Variants in PRKN observed in about 807,000 individuals in gnomAD.
PRKN encodes the protein E3 ubiquitin-protein ligase parkin.
PRKN carries 56 observed loss-of-function variants against 59.5 expected under a neutral mutation model. The ratio of observed to expected loss-of-function variants is 0.94; its 90% CI spans 0.76 to 1.18. The LOEUF is 1.18. Among genes scored for constraint, PRKN ranks in the 50% most tolerant of loss-of-function variants. The pLI is 0.00. For synonymous variants in PRKN, 250 were observed against 222.1 expected, an observed-to-expected ratio of 1.13 and a Z score of -1.12; for missense variants, 657 against 596.4, an observed-to-expected ratio of 1.10 and a Z score of -1.06.
chr6:161,678,495 T>C (rs1459340382), intron 7 of PRKN, among the ~76,000 whole-genome samples: 1 of 151,690 alleles, frequency 6.6e-6, no homozygotes, highest in Non-Finnish European at 1.5e-5. Flanking sequence ...TGGTTATAAA[T>C]ACAGGTCATA....
At chr6:162,079,230 G>C (rs1019668479) in intron 4 of PRKN, among the ~76,000 whole-genome samples, 2 of 152,148 alleles carry the variant, frequency 1.3e-5, no homozygotes, top group African/African-American at 4.8e-5. Context: ...GAGATCTCAA[G>C]GAAATGAAGC....
chr6:161,484,200 T>A lies in PRKN; in HGVS notation c.1083+64654A>T, dbSNP rs1273066903. On this transcript the variant is annotated intron_variant, in intron 9 of 11. Coordinates refer to ENST00000366898, the MANE Select transcript of PRKN (RefSeq NM_004562.3). The surrounding 1 kb of genome is among the most constrained non-coding windows in gnomAD (Gnocchi z 4.9). ...TAAAATGAAAAGTTGAAGAAAATTT[T>A]AAAAAAAGACCCTGCCTGGCAGGGT... 2.0e-5 allele frequency among the ~76,000 whole-genome samples: 3 copies of A among 151,986 alleles called. No individual in the cohort carries two copies. Among genetic ancestry groups the A allele is most frequent in the Admixed American group, 6.6e-5 (1 of 15,252 alleles).
chr6:161,381,850 T>C (rs548720165), intron 10 of PRKN, among the ~76,000 whole-genome samples: 2 of 152,200 alleles, frequency 1.3e-5, no homozygotes, highest in African/African-American at 4.8e-5. Context: ...CAGTGGCTCA[T>C]GCCTGTAATC....
At chr6:162,715,236 G>C (rs1255100729) in intron 1 of PRKN, among the ~76,000 whole-genome samples, 1 of 152,150 alleles carries the variant, frequency 6.6e-6, no homozygotes, top group Non-Finnish European at 1.5e-5. Context: ...TTCCTCAAGG[G>C]ACATGGAAGA....
chr6:162,205,932 T>G (rs1480760010), intron 3 of PRKN, among the ~76,000 whole-genome samples: 1 of 152,140 alleles, frequency 6.6e-6, no homozygotes, highest in Non-Finnish European at 1.5e-5. Flanking sequence ...AAACCACTGG[T>G]GTGGCTGGTC....
chr6:161,766,814 T>C (rs1262602166), intron 7 of PRKN, among the ~76,000 whole-genome samples: 1 of 152,140 alleles, frequency 6.6e-6, no homozygotes, highest in East Asian at 1.9e-4. Flanking sequence ...GATCATAACA[T>C]CTTTGAGGTG....
At chr6:161,433,180 A>G (rs1234323261) in intron 9 of PRKN, among the ~76,000 whole-genome samples, 1 of 152,198 alleles carries the variant, frequency 6.6e-6, no homozygotes, top group Non-Finnish European at 1.5e-5. Context: ...CAATGTACCT[A>G]TTTATATGAA....
Position 161,458,937 on chromosome 6 carries a change from C to A in PRKN, c.1084-72060G>T, listed in dbSNP as rs112103234. On this transcript the variant is annotated intron_variant, in intron 9 of 11. Transcript: ENST00000366898. The surrounding 1 kb of genome is among the most constrained non-coding windows in gnomAD (Gnocchi z 6.1). ...TGTTTTTTTTTTTCTTTTTAAAGTG[C>A]ATATCTTTATTTGGACAGCCTCAAA... 0.013 allele frequency among the ~76,000 whole-genome samples: 1,918 copies of A among 151,620 alleles called. 46 individuals carry two copies. Among genetic ancestry groups the A allele is most frequent in the African/African-American group, 0.043 (1,786 of 41,310 alleles).
At chr6:161,997,945 G>A (rs1781907129) in intron 5 of PRKN, among the ~76,000 whole-genome samples, 1 of 152,058 alleles carries the variant, frequency 6.6e-6, no homozygotes, top group South Asian at 2.1e-4. Context: ...ACAGGAGCCA[G>A]GTAATGACGA....
chr6:161,631,772 A>AACACAC (rs147449873), intron 7 of PRKN, among the ~76,000 whole-genome samples: 35,332 of 150,284 alleles, frequency 0.24, 4,857 homozygotes, highest in African/African-American at 0.38. Context: ...CACCCAGACA[A>AACACAC]ACACACACAC....
intron 6 of PRKN, among the ~76,000 whole-genome samples, chr6:161,962,451 C>G (rs1238092400): frequency 6.6e-6 from 1 of 151,364 alleles, no homozygotes; most frequent in Admixed American, 6.6e-5. Context: ...GTGGGTATTT[C>G]TTTCAGATGA....
Position 162,556,342 on chromosome 6 carries a change from G to GGGGTGTGTGTGTGTGTGTGTGT in PRKN, c.8-112870_8-112869insACACACACACACACACACACCC, listed in dbSNP as rs1175202893. Among the ~76,000 whole-genome samples, 115 of 57,290 alleles carry GGGGTGTGTGTGTGTGTGTGTGT rather than the reference G, an allele frequency of 2.0e-3. 7 individuals carry two copies. The Middle Eastern group carries it at 0.029, about 14-fold the overall frequency. 37.6% of individuals were successfully genotyped at this position (57,290 alleles called of 152,430 possible). A position where few individuals can be genotyped will look rare whatever the true frequency, so the allele number is the denominator to read the frequency against. On this transcript the variant is annotated intron_variant, in intron 1 of 11. Transcript: ENST00000366898. ...GAAACCAAGCAGTAACTACTCAGCT[G>GGGGTGTGTGTGTGTGTGTGTGT]GTGTGTGTGTGTGTGTGTGTGTGTG...
At chr6:162,522,482 A>G (rs1357757922) in intron 1 of PRKN, among the ~76,000 whole-genome samples, 1 of 152,240 alleles carries the variant, frequency 6.6e-6, no homozygotes, top group African/African-American at 2.4e-5. Flanking sequence ...CTATTGGTCT[A>G]TACCATCATG....
In PRKN at chr6:161,483,149, C is replaced by T. The variant is rs531984010; in HGVS notation, c.1083+65705G>A. ...TTCTGCAGATAAATGTTCTTTCCGG[C>T]TCGTGACAACTAACAATTGTGTTTC... is the stretch of plus-strand genomic sequence containing the variant. On this transcript the variant is annotated intron_variant, in intron 9 of 11. Coordinates refer to ENST00000366898, the MANE Select transcript of PRKN (RefSeq NM_004562.3). This position sits in a 1 kb window ranked among gnomAD's most constrained non-coding sequence, Gnocchi z 5.0. Among the ~76,000 whole-genome samples the T allele has an allele frequency of 1.4e-5, 2 of 146,290 alleles. No individual in the cohort carries two copies. The highest frequency in any genetic ancestry group is 5.1e-5 in the African/African-American group (2 of 39,342).
In PRKN at chr6:162,412,494, C is replaced by T. The variant is rs1024727928; in HGVS notation, c.171+30816G>A. 3.3e-5 allele frequency among the ~76,000 whole-genome samples: 5 copies of T among 151,830 alleles called. No homozygotes were observed. In the South Asian group the frequency reaches 6.2e-4, roughly 19 times the overall value. ...CATTCAAACAAGCAGAAGAACAACA[C>T]GGGGTAAGGGCTACTTAACTAACTT... On this transcript the variant is annotated intron_variant, in intron 2 of 11. Coordinates refer to ENST00000366898, the MANE Select transcript of PRKN (RefSeq NM_004562.3).
chr6:162,088,725 A>G (rs965472335), intron 4 of PRKN, among the ~76,000 whole-genome samples: 2 of 152,202 alleles, frequency 1.3e-5, no homozygotes, highest in Non-Finnish European at 2.9e-5. Context: ...TGCGTTACTA[A>G]TTTTAAAACT....
chr6:162,203,990 C>T (rs1212418959), intron 3 of PRKN, among the ~76,000 whole-genome samples: 3 of 152,078 alleles, frequency 2.0e-5, no homozygotes, highest in African/African-American at 4.8e-5. Flanking sequence ...GTTCCCTGTG[C>T]GCGTGTGTGT....
intron 2 of PRKN, among the ~76,000 whole-genome samples, chr6:162,391,984 T>C (rs949805032): frequency 2.0e-5 from 3 of 152,206 alleles, no homozygotes; most frequent in Non-Finnish European, 2.9e-5. Flanking sequence ...CTTTATGATA[T>C]TGTCCTATGT....
chr6:162,388,760 C>T (rs1421438283), intron 2 of PRKN, among the ~76,000 whole-genome samples: 1 of 152,146 alleles, frequency 6.6e-6, no homozygotes, highest in Admixed American at 6.5e-5. Context: ...ATTACATGTG[C>T]CCAGGGGGCC....
Sources: gnomAD v4.1 joint callset for allele counts (sites outside exome capture counted in the v4.1 genomes callset) on GRCh38, gnomAD v4.1.1 for gene constraint, Gnocchi (gnomAD v3.1) non-coding constraint, MANE v1.5 for transcripts, NCBI Gene and HGNC (gene_info 2026-07-23, HGNC 2026-07-21) for gene names.